The following SNCAIP variants were observed in gnomAD, a reference collection of about 807,000 sequenced individuals.
SNCAIP encodes synuclein alpha interacting protein.
A neutral mutation model predicts 86.7 loss-of-function variants in SNCAIP; 43 were observed. The observed-to-expected ratio is 0.50, with a 90% confidence interval of 0.39 to 0.64. The LOEUF (loss-of-function observed/expected upper bound fraction) is 0.64. Among genes scored for constraint, SNCAIP ranks in the 30% least tolerant of loss-of-function variants. The pLI is 0.00. For missense variants in SNCAIP, 981 were observed against 1,103.1 expected (o/e 0.89, Z 1.57); for synonymous variants, 417 against 427.2 (o/e 0.98, Z 0.29).
At chr5:122,444,087 T>A in intron 7 of SNCAIP, 1 of 457,136 alleles carries the variant, frequency 2.2e-6, no homozygotes, top group South Asian at 1.5e-5. Flanking sequence ...TCTTTCCAGT[T>A]CTTTTTATTC....
chr5:122,337,732 G>T (rs1249377437), intron 1 of SNCAIP, among the ~76,000 whole-genome samples: 1 of 152,276 alleles, frequency 6.6e-6, no homozygotes, highest in South Asian at 2.1e-4. Flanking sequence ...TAGAGGCAGG[G>T]CTTCGCCATG....
At chr5:122,383,863 A>C (rs990228568) in intron 1 of SNCAIP, among the ~76,000 whole-genome samples, 1 of 152,226 alleles carries the variant, frequency 6.6e-6, no homozygotes, top group Non-Finnish European at 1.5e-5. Context: ...GGATGGTCAT[A>C]ATCCAATTTT....
chr5:122,397,354 T>TGG (rs1207805212), intron 2 of SNCAIP, among the ~76,000 whole-genome samples: 1 of 152,152 alleles, frequency 6.6e-6, no homozygotes, highest in Non-Finnish European at 1.5e-5. Flanking sequence ...CTTACCACAT[T>TGG]TACTAAGTGG....
chr5:122,374,414 T>C (rs891708372), intron 1 of SNCAIP, among the ~76,000 whole-genome samples: 2 of 152,178 alleles, frequency 1.3e-5, no homozygotes, highest in African/African-American at 4.8e-5. Flanking sequence ...TTGGTGACCT[T>C]CTGTGGTGCC....
intron 1 of SNCAIP, among the ~76,000 whole-genome samples, chr5:122,353,439 CAA>C (rs60366701): frequency 4.1e-4 from 39 of 94,030 alleles, no homozygotes; most frequent in Admixed American, 1.3e-3. Flanking sequence ...CATAATTAAG[CAA>C]AAAAAAAAAA....
intron 1 of SNCAIP, among the ~76,000 whole-genome samples, chr5:122,356,004 T>C (rs147337542): frequency 6.6e-6 from 1 of 152,086 alleles, no homozygotes; most frequent in African/African-American, 2.4e-5. Flanking sequence ...TCTGAAGGTA[T>C]CATTTATGCA....
At chr5:122,438,487 A>T (rs1383577778) in intron 6 of SNCAIP, among the ~76,000 whole-genome samples, 1 of 152,218 alleles carries the variant, frequency 6.6e-6, no homozygotes, top group African/African-American at 2.4e-5. Context: ...ATGATCAGAT[A>T]AATAATTATC....
At chr5:122,334,905 C>T (rs1756123137) in intron 1 of SNCAIP, among the ~76,000 whole-genome samples, 1 of 151,938 alleles carries the variant, frequency 6.6e-6, no homozygotes, top group South Asian at 2.1e-4. Context: ...TTATATTGAC[C>T]CTATAGGTGT....
At chr5:122,342,088 C>T (rs1241687460) in intron 1 of SNCAIP, among the ~76,000 whole-genome samples, 1 of 152,094 alleles carries the variant, frequency 6.6e-6, no homozygotes, top group Non-Finnish European at 1.5e-5. Flanking sequence ...GCTGTTTGCC[C>T]ATCAGCTGCC....
chr5:122,360,775 G>A (rs1762050722), intron 1 of SNCAIP, among the ~76,000 whole-genome samples: 2 of 152,058 alleles, frequency 1.3e-5, no homozygotes, highest in Non-Finnish European at 2.9e-5. Context: ...TGGGTTTTTT[G>A]GATCATATTC....
chr5:122,427,490 G>A (rs1356540439), intron 5 of SNCAIP, among the ~76,000 whole-genome samples: 1 of 151,718 alleles, frequency 6.6e-6, no homozygotes, highest in African/African-American at 2.4e-5. Flanking sequence ...TGATTTGAAT[G>A]TTCTATTCCT....
intron 3 of SNCAIP, among the ~76,000 whole-genome samples, chr5:122,420,224 T>C (rs1270619519): frequency 6.6e-6 from 1 of 152,204 alleles, no homozygotes; most frequent in African/African-American, 2.4e-5. Flanking sequence ...AGACGTGTTT[T>C]CGTAAGACCC....
chr5:122,365,934 C>T (rs1400764277), intron 1 of SNCAIP, among the ~76,000 whole-genome samples: 2 of 151,992 alleles, frequency 1.3e-5, no homozygotes, highest in African/African-American at 2.4e-5. Flanking sequence ...AGGTAGACAA[C>T]CTAGACTTGA....
intron 1 of SNCAIP, among the ~76,000 whole-genome samples, chr5:122,378,198 C>A (rs1447139277): frequency 6.8e-6 from 1 of 146,552 alleles, no homozygotes; most frequent in Non-Finnish European, 1.5e-5. Context: ...CTCTCCAGCA[C>A]CTGTCGTTTC....
chr5:122,349,567 G>T (rs1759358107), intron 1 of SNCAIP, among the ~76,000 whole-genome samples: 1 of 152,118 alleles, frequency 6.6e-6, no homozygotes, highest in Admixed American at 6.5e-5. Context: ...AGAAGAAAGA[G>T]AAAATTCTTA....
intron 3 of SNCAIP, among the ~76,000 whole-genome samples, chr5:122,418,246 A>G (rs1367457057): frequency 6.6e-6 from 1 of 152,260 alleles, no homozygotes; most frequent in Non-Finnish European, 1.5e-5. Context: ...GAGCTGCTAC[A>G]TACCATGCTA....
chr5:122,458,273 C>T (rs1785270445), intron 10 of SNCAIP, among the ~76,000 whole-genome samples: 4 of 152,166 alleles, frequency 2.6e-5, no homozygotes, highest in Admixed American at 2.6e-4. Flanking sequence ...AAAATCTTCC[C>T]ACCAGACCAT....
chr5:122,438,444 G>A (rs1452293059), intron 6 of SNCAIP, among the ~76,000 whole-genome samples: 1 of 152,116 alleles, frequency 6.6e-6, no homozygotes, highest in Non-Finnish European at 1.5e-5. Flanking sequence ...TGAACTTCCA[G>A]GATGGGCTCC....
At chr5:122,373,117 G>T (rs1654241374) in intron 1 of SNCAIP, among the ~76,000 whole-genome samples, 2 of 151,998 alleles carry the variant, frequency 1.3e-5, no homozygotes, top group Non-Finnish European at 2.9e-5. Flanking sequence ...TTTCTTTTGT[G>T]TCATAAATTT....
Sources: gnomAD v4.1 joint callset for allele counts (sites outside exome capture counted in the v4.1 genomes callset) on GRCh38, gnomAD v4.1.1 for gene constraint, MANE v1.5 for transcripts, NCBI Gene and HGNC (gene_info 2026-07-23, HGNC 2026-07-21) for gene names.